ZNF521: variants seen among roughly 807,000 people sequenced by gnomAD.
The protein encoded by ZNF521 is LYST-interacting protein 3.
ZNF521 carries 14 observed loss-of-function variants against 105.5 expected under a neutral mutation model. That is an observed-to-expected ratio of 0.13 (90% CI 0.09 to 0.21). The LOEUF is 0.21. ZNF521 is among the 10% of genes least tolerant of loss of function. The probability of loss-of-function intolerance (pLI) is 1.00; values close to 1 mark genes in which losing one functional copy is unlikely to be tolerated. For missense variants in ZNF521, 1,233 were observed against 1,629.7 expected, an observed-to-expected ratio of 0.76 and a Z score of 4.19; for synonymous variants, 635 against 606.0, an observed-to-expected ratio of 1.05 and a Z score of -0.70.
In ZNF521 at chr18:25,197,705, G is replaced by A. The variant is rs542581266; in HGVS notation, c.3574-2461C>T. ...TGTTTTTCTGCCACTTTCACCCATTGGCCCTAACTCTAAGCTCTGGTGCTA... is the reference window on the plus strand; with the variant it reads ...TGTTTTTCTGCCACTTTCACCCATTAGCCCTAACTCTAAGCTCTGGTGCTA... On this transcript the variant is annotated intron_variant, in intron 4 of 7. Coordinates refer to ENST00000361524, the MANE Select transcript of ZNF521 (RefSeq NM_015461.3). 2.6e-5 allele frequency among the ~76,000 whole-genome samples: 4 copies of A among 151,782 alleles called. No homozygotes were observed. The South Asian group carries it at 6.2e-4, about 24-fold the overall frequency.
At chr18:25,268,355 A>G (rs1174936421) in intron 3 of ZNF521, among the ~76,000 whole-genome samples, 1 of 152,242 alleles carries the variant, frequency 6.6e-6, no homozygotes, top group African/African-American at 2.4e-5. Flanking sequence ...GTTGGAAAAC[A>G]CACTTCAGGA....
intron 4 of ZNF521, among the ~76,000 whole-genome samples, chr18:25,198,611 G>T (rs555660019): frequency 3.2e-4 from 48 of 151,492 alleles, no homozygotes; most frequent in Non-Finnish European, 5.8e-4. Flanking sequence ...CTCAAAAACA[G>T]AAAAGAAAAA....
chr18:25,288,039 C>G (rs562060105), intron 3 of ZNF521, among the ~76,000 whole-genome samples: 2 of 151,554 alleles, frequency 1.3e-5, no homozygotes, highest in East Asian at 3.9e-4. Flanking sequence ...CTGAAAATGC[C>G]CCCCCAATAG....
At chr18:25,311,883 CTT>C (rs1413018403) in intron 3 of ZNF521, among the ~76,000 whole-genome samples, 3 of 152,204 alleles carry the variant, frequency 2.0e-5, no homozygotes, top group Non-Finnish European at 2.9e-5. Context: ...TTTCAAAAGA[CTT>C]AATTTTTAAA....
intron 4 of ZNF521, chr18:25,201,708 C>T (rs1156670929): frequency 6.6e-6 from 1 of 152,080 alleles, no homozygotes; most frequent in Non-Finnish European, 1.5e-5. Context: ...GGATGTTGTA[C>T]AATGATGCTG....
At chr18:25,266,084 T>C (rs759007257) in intron 3 of ZNF521, among the ~76,000 whole-genome samples, 27 of 152,100 alleles carry the variant, frequency 1.8e-4, no homozygotes, top group Non-Finnish European at 3.8e-4. Flanking sequence ...GGTTAATAGG[T>C]ACAAAACATA....
intron 3 of ZNF521, among the ~76,000 whole-genome samples, chr18:25,314,440 T>C (rs1310108942): frequency 1.3e-5 from 2 of 152,316 alleles, no homozygotes; most frequent in Non-Finnish European, 2.9e-5. Flanking sequence ...GTTTTCAGCT[T>C]ACAAAAATTG....
At chr18:25,234,896 G>T (rs997997335) in intron 3 of ZNF521, among the ~76,000 whole-genome samples, 2 of 151,802 alleles carry the variant, frequency 1.3e-5, no homozygotes, top group Admixed American at 6.6e-5. Flanking sequence ...ATAACAATTT[G>T]ATAGACAATA....
At chr18:25,093,272 C>T (rs11083109) in intron 5 of ZNF521, among the ~76,000 whole-genome samples, 31,166 of 152,090 alleles carry the variant, frequency 0.2, 3,488 homozygotes, top group East Asian at 0.29. Context: ...CACACACCCA[C>T]TACTTCCAAG....
At chr18:25,164,767 C>T (rs1355966957) in intron 5 of ZNF521, among the ~76,000 whole-genome samples, 1 of 152,190 alleles carries the variant, frequency 6.6e-6, no homozygotes, top group East Asian at 1.9e-4. Flanking sequence ...GAGGGGGGCA[C>T]TCAATTCACT....
intron 3 of ZNF521, among the ~76,000 whole-genome samples, chr18:25,286,106 C>T (rs969787337): frequency 1.1e-4 from 17 of 152,184 alleles, no homozygotes; most frequent in African/African-American, 3.9e-4. Flanking sequence ...CTGCAGTGCG[C>T]GCTCTCAGGG....
chr18:25,234,778 C>T (rs1906769631), intron 3 of ZNF521, among the ~76,000 whole-genome samples: 2 of 151,988 alleles, frequency 1.3e-5, no homozygotes, highest in African/African-American at 4.8e-5. Context: ...TTAGTTGTTG[C>T]AGTTTTCATA....
At chr18:25,265,293 T>A (rs1430765297) in intron 3 of ZNF521, among the ~76,000 whole-genome samples, 2 of 152,180 alleles carry the variant, frequency 1.3e-5, no homozygotes, top group African/African-American at 4.8e-5. Flanking sequence ...GAGGCCAAAG[T>A]AGAAGAGGAA....
chr18:25,089,916 C>T (rs558794796), intron 6 of ZNF521, among the ~76,000 whole-genome samples: 1 of 152,324 alleles, frequency 6.6e-6, no homozygotes, highest in Admixed American at 6.5e-5. Flanking sequence ...CAGCAACCCA[C>T]AGGTTAAGAA....
At chr18:25,202,673 G>C (rs1352143568) in intron 4 of ZNF521, 1 of 152,196 alleles carries the variant, frequency 6.6e-6, no homozygotes, top group Non-Finnish European at 1.5e-5. Flanking sequence ...ATATATTTAA[G>C]AGCAGTAGCA....
At chr18:25,179,581 C>A (rs1025399075) in intron 5 of ZNF521, among the ~76,000 whole-genome samples, 1 of 152,064 alleles carries the variant, frequency 6.6e-6, no homozygotes, top group Non-Finnish European at 1.5e-5. Flanking sequence ...TTATTCTGAG[C>A]TATTTGATTA....
Position 25,206,115 on chromosome 18 carries a change from T to C in ZNF521, c.3574-10871A>G, listed in dbSNP as rs562792317. ...ACCTCCTGGGCTTAAACAAGTCTCC[T>C]GCCTCAGCCTCCCGAGTAGCTAAGA... On this transcript the variant is annotated intron_variant, in intron 4 of 7. Transcript: ENST00000361524. Among the ~76,000 whole-genome samples the C allele has an allele frequency of 3.9e-5, 6 of 152,284 alleles. 1 individual carries two copies. Among genetic ancestry groups the C allele is most frequent in the African/African-American group, 1.4e-4 (6 of 41,564 alleles).
rs114291703 is a variant in ZNF521, at chr18:25,131,714, G to A, written c.3659-39633C>T. On this transcript the variant is annotated intron_variant, in intron 5 of 7. Coordinates refer to ENST00000361524, the MANE Select transcript of ZNF521 (RefSeq NM_015461.3). ...AATGCTTGTTCAGTAAACATCGGGA[G>A]GTGAATCTTCAAGCTCTGATTCACC... is the stretch of plus-strand genomic sequence containing the variant. 6.9e-3 allele frequency among the ~76,000 whole-genome samples: 1,054 copies of A among 152,156 alleles called. 16 individuals are homozygous for A. Among genetic ancestry groups the A allele is most frequent in the African/African-American group, 0.024 (1,007 of 41,514 alleles).
At chr18:25,153,941 T>A (rs1473124267) in intron 5 of ZNF521, among the ~76,000 whole-genome samples, 1 of 152,150 alleles carries the variant, frequency 6.6e-6, no homozygotes, top group Non-Finnish European at 1.5e-5. Flanking sequence ...CCAGTTCTAA[T>A]GTCAATGGTT....
Sources: allele counts gnomAD v4.1 joint callset (sites outside exome capture counted in the v4.1 genomes callset), GRCh38; gene constraint gnomAD v4.1.1; transcripts MANE v1.5; gene names NCBI Gene and HGNC (gene_info 2026-07-23, HGNC 2026-07-21).